The following KDM4C variants were observed in gnomAD, a reference collection of about 807,000 sequenced individuals.
KDM4C encodes lysine demethylase 4C, also known as lysine-specific demethylase 4C.
KDM4C carries 81 observed loss-of-function variants against 129.3 expected under a neutral mutation model. The observed-to-expected ratio is 0.63, with a 90% confidence interval of 0.52 to 0.75. The LOEUF is 0.75. KDM4C is among the 30% of genes least tolerant of loss of function. The probability of loss-of-function intolerance (pLI) is 0.00; values close to 1 mark genes in which losing one functional copy is unlikely to be tolerated. For synonymous variants in KDM4C, 573 were observed against 456.1 expected (o/e 1.26, Z -3.26); for missense variants, 1,457 against 1,304.0 (o/e 1.12, Z -1.81).
At chr9:7,034,695 T>C (rs1827337161) in intron 15 of KDM4C, among the ~76,000 whole-genome samples, 1 of 152,228 alleles carries the variant, frequency 6.6e-6, no homozygotes, top group Non-Finnish European at 1.5e-5. Flanking sequence ...AAATTCCCAG[T>C]AGTGGTATTG....
At chr9:7,091,455 C>G (rs1050480919) in intron 17 of KDM4C, among the ~76,000 whole-genome samples, 5 of 151,928 alleles carry the variant, frequency 3.3e-5, no homozygotes, top group African/African-American at 9.7e-5. Flanking sequence ...AGAGTTTTTC[C>G]CTCTAGGAAA....
At chr9:7,101,058 G>A (rs1003650412) in intron 17 of KDM4C, among the ~76,000 whole-genome samples, 1 of 152,178 alleles carries the variant, frequency 6.6e-6, no homozygotes, top group African/African-American at 2.4e-5. Context: ...TTACGTAGGG[G>A]TTGGGCCTGG....
chr9:6,990,541 T>C lies in KDM4C; in HGVS notation c.1786+17T>C. On this transcript the variant is annotated intron_variant, in intron 12 of 21. Coordinates refer to ENST00000381309, the MANE Select transcript of KDM4C (RefSeq NM_015061.6). ...GTGATGAAGGTGAGATGGTGACCCTTTTTGGGATTTTTTTTTTTTTTTTTG... is the reference window on the plus strand; with the variant it reads ...GTGATGAAGGTGAGATGGTGACCCTCTTTGGGATTTTTTTTTTTTTTTTTG... 1 of 1,431,480 alleles carries C rather than the reference T, an allele frequency of 7.0e-7. No individual in the cohort carries two copies. Among genetic ancestry groups the C allele is most frequent in the Non-Finnish European group, 9.2e-7 (1 of 1,084,864 alleles). 88.7% of individuals were successfully genotyped at this position (1,431,480 alleles called of 1,614,324 possible).
intron 17 of KDM4C, among the ~76,000 whole-genome samples, chr9:7,050,441 C>CAAAAAAAAAAAA (rs1564043832): frequency 1.5e-4 from 2 of 13,190 alleles, no homozygotes; most frequent in Non-Finnish European, 2.0e-4. Flanking sequence ...ACCCAGATTA[C>CAAAAAAAAAAAA]CAAAAAAAAA....
intron 18 of KDM4C, chr9:7,105,560 C>G: frequency 2.3e-6 from 1 of 437,188 alleles, no homozygotes; most frequent in Non-Finnish European, 4.8e-6. Flanking sequence ...GGTTTAATTC[C>G]TTGCCCAAAT....
intron 12 of KDM4C, among the ~76,000 whole-genome samples, chr9:7,007,172 C>T (rs1821826848): frequency 6.6e-6 from 1 of 152,214 alleles, no homozygotes; most frequent in African/African-American, 2.4e-5. Context: ...CAAAGTTCCA[C>T]ATACCTTGGT....
Position 6,935,617 on chromosome 9 carries a change from A to G in KDM4C, c.921+42385A>G, listed in dbSNP as rs183137463. ...TTTTTTTGAGATGGATATTGTGCCT[A>G]TATTTCTCCTTTCTAATTTCTCATT... On this transcript the variant is annotated intron_variant, in intron 8 of 21. Transcript: ENST00000381309. Among the ~76,000 whole-genome samples the G allele has an allele frequency of 7.0e-4, 105 of 150,698 alleles. 1 individual carries two copies. Among genetic ancestry groups the G allele is most frequent in the African/African-American group, 2.4e-3 (99 of 41,090 alleles).
At chr9:7,086,023 T>C (rs987777532) in intron 17 of KDM4C, among the ~76,000 whole-genome samples, 3 of 152,072 alleles carry the variant, frequency 2.0e-5, no homozygotes, top group African/African-American at 7.2e-5. Context: ...CCAGGCATAG[T>C]GGCATGCGCC....
chr9:6,911,838 A>G (rs538570572), intron 8 of KDM4C, among the ~76,000 whole-genome samples: 161 of 152,048 alleles, frequency 1.1e-3, no homozygotes, highest in Non-Finnish European at 1.8e-3. Context: ...GGGCTCGGGG[A>G]GGTGGCAGGG....
chr9:6,784,570 A>G (rs1324121818), intron 1 of KDM4C, among the ~76,000 whole-genome samples: 1 of 152,166 alleles, frequency 6.6e-6, no homozygotes, highest in African/African-American at 2.4e-5. Flanking sequence ...AGGAAAAAAA[A>G]ATCCTTTTGG....
chr9:7,066,594 A>C (rs1386778962), intron 17 of KDM4C, among the ~76,000 whole-genome samples: 1 of 152,244 alleles, frequency 6.6e-6, no homozygotes, highest in East Asian at 1.9e-4. Context: ...GTTAAATCAA[A>C]ATTTTAATTT....
At chr9:6,886,681 A>G (rs1457318229) in intron 6 of KDM4C, among the ~76,000 whole-genome samples, 1 of 151,798 alleles carries the variant, frequency 6.6e-6, no homozygotes, top group African/African-American at 2.4e-5. Flanking sequence ...TGTAGTAGAG[A>G]CGGGGTTTTA....
chr9:6,856,568 G>GTA (rs1839866952), intron 5 of KDM4C, among the ~76,000 whole-genome samples: 2 of 137,010 alleles, frequency 1.5e-5, no homozygotes, highest in African/African-American at 5.6e-5. Context: ...GTGTGTGTGT[G>GTA]TGTGTGTGTG....
At chr9:7,033,137 T>C (rs577246265) in intron 15 of KDM4C, among the ~76,000 whole-genome samples, 3 of 146,622 alleles carry the variant, frequency 2.0e-5, no homozygotes, top group South Asian at 2.2e-4. Context: ...ATCTGTTTTA[T>C]GCTGGATTTT....
At chr9:6,904,066 C>G (rs990626772) in intron 8 of KDM4C, among the ~76,000 whole-genome samples, 2 of 152,014 alleles carry the variant, frequency 1.3e-5, no homozygotes, top group Non-Finnish European at 2.9e-5. Flanking sequence ...ATGGAGAAAC[C>G]TCATGTCTGC....
intron 5 of KDM4C, among the ~76,000 whole-genome samples, chr9:6,875,942 A>C (rs1284576012): frequency 6.6e-6 from 1 of 152,186 alleles, no homozygotes; most frequent in East Asian, 1.9e-4. Context: ...AAATGACTCA[A>C]CCACCTGGTG....
At chr9:6,850,702 G>A (rs1173906729) in intron 5 of KDM4C, among the ~76,000 whole-genome samples, 1 of 151,478 alleles carries the variant, frequency 6.6e-6, no homozygotes, top group Non-Finnish European at 1.5e-5. Flanking sequence ...AAAGTGGTAG[G>A]ATTACAGGCA....
intron 12 of KDM4C, among the ~76,000 whole-genome samples, chr9:7,000,041 G>A (rs1432092366): frequency 6.6e-6 from 1 of 152,136 alleles, no homozygotes; most frequent in African/African-American, 2.4e-5. Context: ...TTGTTGATAG[G>A]TCACAGCCAG....
At chr9:7,160,080 T>C (rs1843620565) in intron 19 of KDM4C, among the ~76,000 whole-genome samples, 2 of 152,216 alleles carry the variant, frequency 1.3e-5, no homozygotes, top group Non-Finnish European at 2.9e-5. Flanking sequence ...TTCATTATTT[T>C]GATCTTCAAT....
Sources: gnomAD v4.1 joint callset for allele counts (sites outside exome capture counted in the v4.1 genomes callset) on GRCh38, gnomAD v4.1.1 for gene constraint, MANE v1.5 for transcripts, NCBI Gene and HGNC (gene_info 2026-07-23, HGNC 2026-07-21) for gene names.